Variants in KIF26B observed in about 807,000 individuals in gnomAD.
KIF26B encodes the protein kinesin family member 26B, also known as kinesin-like protein KIF26B.
In KIF26B, 63 loss-of-function variants were observed where a neutral mutation model predicts 151.2. That is an observed-to-expected ratio of 0.42 (90% confidence interval 0.34 to 0.51). The LOEUF is 0.51. Among genes scored for constraint, KIF26B ranks in the 20% least tolerant of loss-of-function variants. The probability of loss-of-function intolerance (pLI) is 0.07; values close to 1 mark genes in which losing one functional copy is unlikely to be tolerated. For missense variants in KIF26B, 2,813 were observed against 2,913.6 expected, an observed-to-expected ratio of 0.97 and a Z score of 0.79; for synonymous variants, 1,357 against 1,262.1, an observed-to-expected ratio of 1.08 and a Z score of -1.59.
intron 8 of KIF26B, 103 bp downstream of exon 8, chr1:245,609,631 C>A: frequency 8.0e-7 from 1 of 1,251,468 alleles, no homozygotes; most frequent in Non-Finnish European, 1.1e-6. Flanking sequence ...AACTCAGAGG[C>A]TTACGGGTGT....
intron 4 of KIF26B, among the ~76,000 whole-genome samples, chr1:245,480,390 A>G (rs894793526): frequency 3.3e-5 from 5 of 151,782 alleles, no homozygotes; most frequent in African/African-American, 1.2e-4. Context: ...GTCAGGGGTC[A>G]GTCTGAGGGA....
At chr1:245,507,098 C>A (rs578140678) in intron 4 of KIF26B, among the ~76,000 whole-genome samples, 1 of 152,276 alleles carries the variant, frequency 6.6e-6, no homozygotes, top group African/African-American at 2.4e-5. Flanking sequence ...AGAACTGACA[C>A]CTCTAGAGAT....
At chr1:245,624,924 G>A (rs1360888009) in intron 9 of KIF26B, among the ~76,000 whole-genome samples, 1 of 151,974 alleles carries the variant, frequency 6.6e-6, no homozygotes. Flanking sequence ...TGCAATGTAT[G>A]GACTCAAGTA....
At chr1:245,581,545 C>T (rs1036615417) in intron 5 of KIF26B, among the ~76,000 whole-genome samples, 1 of 152,134 alleles carries the variant, frequency 6.6e-6, no homozygotes, top group African/African-American at 2.4e-5. Context: ...TCAGTGAATG[C>T]TTCTGTTTGT....
At position 245,601,781 on chromosome 1, in the gene KIF26B, C is replaced by T. The variant is rs915186893; in HGVS notation, c.1351-796C>T. Among the ~76,000 whole-genome samples the T allele has an allele frequency of 1.3e-5, 2 of 152,194 alleles. No individual in the cohort carries two copies. Among genetic ancestry groups the T allele is most frequent in the Non-Finnish European group, 2.9e-5 (2 of 68,044 alleles). On this transcript the variant is annotated intron_variant, in intron 5 of 14. Transcript: ENST00000407071. The surrounding 1 kb of genome is among the most constrained non-coding windows in gnomAD (Gnocchi z 4.4). ...CTGTAGCTTCCAGACCCGTGTGAGGCCTCAGCCTGATTTCTGTTCACCTTA... is the reference window on the plus strand; with the variant it reads ...CTGTAGCTTCCAGACCCGTGTGAGGTCTCAGCCTGATTTCTGTTCACCTTA...
chr1:245,377,728 A>G (rs1450319292), intron 3 of KIF26B, among the ~76,000 whole-genome samples: 1 of 152,204 alleles, frequency 6.6e-6, no homozygotes, highest in Non-Finnish European at 1.5e-5. Context: ...TTCCTTGCTG[A>G]ACCACTTCTG....
chr1:245,268,666 C>T (rs12756528), intron 2 of KIF26B, among the ~76,000 whole-genome samples: 9,025 of 152,040 alleles, frequency 0.059, 302 homozygotes, highest in Middle Eastern at 0.068. Flanking sequence ...AAGCAGAGCC[C>T]GGGAGGATTA....
At chr1:245,326,524 A>G (rs547710439) in intron 2 of KIF26B, among the ~76,000 whole-genome samples, 66 of 152,176 alleles carry the variant, frequency 4.3e-4, no homozygotes, top group Non-Finnish European at 7.8e-4. Context: ...GTTCCGGACC[A>G]CTGTTTGTTT....
chr1:245,295,476 C>T lies in KIF26B; in HGVS notation c.466-71358C>T, dbSNP rs749656362. ...TGGGTCCGTATCATGGGTTCCTGTCCTCACATCCATATCATCAGTTCATTT... is the reference window on the plus strand; with the variant it reads ...TGGGTCCGTATCATGGGTTCCTGTCTTCACATCCATATCATCAGTTCATTT... On this transcript the variant is annotated intron_variant, in intron 2 of 14. Coordinates refer to ENST00000407071, the MANE Select transcript of KIF26B (RefSeq NM_018012.4). Among the ~76,000 whole-genome samples the T allele has an allele frequency of 5.6e-4, 85 of 152,136 alleles. 1 individual carries two copies. Among genetic ancestry groups the T allele is most frequent in the Non-Finnish European group, 1.1e-3 (78 of 68,028 alleles).
At chr1:245,309,281 G>A (rs1338472231) in intron 2 of KIF26B, among the ~76,000 whole-genome samples, 2 of 152,176 alleles carry the variant, frequency 1.3e-5, no homozygotes, top group African/African-American at 4.8e-5. Context: ...TTGGTCAAAC[G>A]TTGTTCTTGG....
chr1:245,634,877 T>C (rs1332842995), intron 9 of KIF26B, among the ~76,000 whole-genome samples: 2 of 152,032 alleles, frequency 1.3e-5, no homozygotes, highest in Non-Finnish European at 2.9e-5. Context: ...TGTGCCCAGC[T>C]AATTTTTTAT....
chr1:245,413,181 G>T (rs918903050), intron 3 of KIF26B, among the ~76,000 whole-genome samples: 1 of 152,160 alleles, frequency 6.6e-6, no homozygotes, highest in Non-Finnish European at 1.5e-5. Flanking sequence ...GCTTTTAGAC[G>T]GTGACAGTGA....
intron 5 of KIF26B, among the ~76,000 whole-genome samples, chr1:245,546,227 G>GT (rs1427256059): frequency 4.6e-5 from 7 of 151,194 alleles, no homozygotes; most frequent in African/African-American, 1.7e-4. Flanking sequence ...TTTGTTTTTT[G>GT]TTTTTTGAGT....
chr1:245,642,106 C>T (rs540521940), intron 9 of KIF26B, among the ~76,000 whole-genome samples: 8 of 152,306 alleles, frequency 5.3e-5, no homozygotes, highest in East Asian at 3.9e-4. Flanking sequence ...GACCCAATGA[C>T]GGTACTTGTG....
At chr1:245,261,270 C>T (rs538878020) in intron 2 of KIF26B, among the ~76,000 whole-genome samples, 23 of 151,932 alleles carry the variant, frequency 1.5e-4, no homozygotes, top group African/African-American at 4.8e-4. Context: ...CTCAGCCTCC[C>T]GAGTAGCTGG....
At chr1:245,583,117 C>T (rs2043191770) in intron 5 of KIF26B, among the ~76,000 whole-genome samples, 1 of 152,110 alleles carries the variant, frequency 6.6e-6, no homozygotes, top group Non-Finnish European at 1.5e-5. Context: ...TCTAATTTGT[C>T]ATTATTATTT....
At chr1:245,587,575 T>G (rs1353864342) in intron 5 of KIF26B, among the ~76,000 whole-genome samples, 8 of 152,190 alleles carry the variant, frequency 5.3e-5, no homozygotes, top group African/African-American at 1.9e-4. Context: ...GACTGAGGTT[T>G]CTAAGTCCAA....
chr1:245,229,007 C>T (rs566996935), intron 2 of KIF26B, among the ~76,000 whole-genome samples: 1 of 152,236 alleles, frequency 6.6e-6, no homozygotes, highest in South Asian at 2.1e-4. Flanking sequence ...CGTTCTGTTG[C>T]CCAGGCTGGA....
intron 4 of KIF26B, among the ~76,000 whole-genome samples, chr1:245,484,884 A>G (rs536765958): frequency 4.7e-5 from 7 of 150,374 alleles, no homozygotes; most frequent in Non-Finnish European, 8.9e-5. Flanking sequence ...CTTTTTTTTG[A>G]ATTAACTGGG....
Sources: allele counts gnomAD v4.1 joint callset (sites outside exome capture counted in the v4.1 genomes callset), GRCh38; gene constraint gnomAD v4.1.1; non-coding constraint Gnocchi (gnomAD v3.1); transcripts MANE v1.5; gene names NCBI Gene and HGNC (gene_info 2026-07-23, HGNC 2026-07-21).